Variants in PDGFC observed in about 807,000 individuals in gnomAD.
PDGFC encodes the protein platelet derived growth factor C, also known as platelet-derived growth factor C.
A neutral mutation model predicts 35.5 loss-of-function variants in PDGFC; 12 were observed. The ratio of observed to expected loss-of-function variants is 0.34; its 90% CI spans 0.22 to 0.55. The LOEUF (loss-of-function observed/expected upper bound fraction) is 0.55. PDGFC is among the 20% of genes least tolerant of loss of function. PDGFC has a pLI of 0.91. For synonymous variants in PDGFC, 159 were observed against 148.8 expected, an observed-to-expected ratio of 1.07 and a Z score of -0.50; for missense variants, 322 against 412.4, an observed-to-expected ratio of 0.78 and a Z score of 1.90.
chr4:156,934,450 C>G (rs933775031), intron 1 of PDGFC, among the ~76,000 whole-genome samples: 3 of 152,160 alleles, frequency 2.0e-5, no homozygotes, highest in Non-Finnish European at 4.4e-5. Context: ...CTCAGTGAGT[C>G]AGTGAGTGAG....
intron 1 of PDGFC, among the ~76,000 whole-genome samples, chr4:156,946,065 T>G (rs1731939884): frequency 6.6e-6 from 1 of 152,106 alleles, no homozygotes; most frequent in African/African-American, 2.4e-5. Context: ...GTTATATTTA[T>G]GAAAAACTGA....
At position 156,912,809 on chromosome 4, in the gene PDGFC, G is replaced by A. The variant is rs187968160; in HGVS notation, c.118+57977C>T. Among the ~76,000 whole-genome samples the A allele has an allele frequency of 2.2e-3, 337 of 151,434 alleles. 11 individuals are homozygous for A. Among genetic ancestry groups the A allele is most frequent in the Admixed American group, 0.022 (330 of 15,202 alleles). ...TAGTCAGATTCTGGATGTCCTTCACGGTGGGATGCAACACAGACTACCCAG... is the reference window on the plus strand; with the variant it reads ...TAGTCAGATTCTGGATGTCCTTCACAGTGGGATGCAACACAGACTACCCAG... On this transcript the variant is annotated intron_variant, in intron 1 of 5. Coordinates refer to ENST00000502773, the MANE Select transcript of PDGFC (RefSeq NM_016205.3).
rs1433008026 is a variant in PDGFC at position 156,825,578 on chromosome 4, TAATAATAATAATAATAAGAAGAAGAAG to T, written c.315-14588_315-14562del. Among the ~76,000 whole-genome samples the T allele has an allele frequency of 2.4e-4, 23 of 95,002 alleles. 1 individual carries two copies. The East Asian group carries it at 3.2e-3, about 13-fold the overall frequency. 62.3% of individuals were successfully genotyped at this position (95,002 alleles called of 152,430 possible). ...ATAATAATAATAATAATAATAATAA[TAATAATAATAATAATAAGAAGAAGAAG>T]AAGAAGAAGAAGAAGAAGAAGAAGA... is the stretch of plus-strand genomic sequence containing the variant. On this transcript the variant is annotated intron_variant, in intron 2 of 5. Coordinates refer to ENST00000502773, the MANE Select transcript of PDGFC (RefSeq NM_016205.3).
intron 1 of PDGFC, among the ~76,000 whole-genome samples, chr4:156,922,436 C>T (rs1385850402): frequency 6.6e-6 from 1 of 152,100 alleles, no homozygotes; most frequent in Non-Finnish European, 1.5e-5. Context: ...TTTTAATATA[C>T]TATAAATATT....
chr4:156,781,327 T>C (rs1730975628), intron 3 of PDGFC, among the ~76,000 whole-genome samples: 1 of 152,178 alleles, frequency 6.6e-6, no homozygotes, highest in Non-Finnish European at 1.5e-5. Context: ...CTAACTGGTC[T>C]CCCTGTTAAA....
chr4:156,811,569 G>A (rs933151219), intron 2 of PDGFC, among the ~76,000 whole-genome samples: 5 of 151,898 alleles, frequency 3.3e-5, no homozygotes, highest in South Asian at 2.1e-4. Flanking sequence ...CATCTTTCTC[G>A]TTTTGATAAA....
At chr4:156,925,032 C>A (rs1280491700) in intron 1 of PDGFC, among the ~76,000 whole-genome samples, 1 of 152,110 alleles carries the variant, frequency 6.6e-6, no homozygotes, top group Non-Finnish European at 1.5e-5. Flanking sequence ...GAACTTTATG[C>A]TGGAATCTAA....
chr4:156,894,458 T>A (rs1305251515), intron 1 of PDGFC, among the ~76,000 whole-genome samples: 1 of 152,180 alleles, frequency 6.6e-6, no homozygotes, highest in Non-Finnish European at 1.5e-5. Flanking sequence ...TTATGAATAA[T>A]CCATTACAGC....
At chr4:156,786,069 A>T (rs1468999300) in intron 3 of PDGFC, among the ~76,000 whole-genome samples, 1 of 152,130 alleles carries the variant, frequency 6.6e-6, no homozygotes, top group Non-Finnish European at 1.5e-5. Flanking sequence ...AATCAACATA[A>T]TATGATCATT....
intron 3 of PDGFC, among the ~76,000 whole-genome samples, chr4:156,774,910 G>A (rs1384045097): frequency 2.0e-5 from 3 of 151,950 alleles, no homozygotes; most frequent in Non-Finnish European, 4.4e-5. Context: ...AAAGATACAT[G>A]GAAAATGTGT....
At chr4:156,888,801 C>T (rs1034907777) in intron 1 of PDGFC, among the ~76,000 whole-genome samples, 1 of 152,056 alleles carries the variant, frequency 6.6e-6, no homozygotes, top group Admixed American at 6.6e-5. Flanking sequence ...TTCAGTAATT[C>T]TCTACACTAA....
At position 156,970,893 on chromosome 4, in the gene PDGFC, A is replaced by T; in HGVS notation, c.11T>A (p.Phe4Tyr). 1.9e-6 allele frequency: 3 copies of T among 1,612,624 alleles called. No homozygotes were observed. The highest frequency in any genetic ancestry group is 2.5e-6 in the Non-Finnish European group (3 of 1,178,742). Residue 4 changes from phenylalanine to tyrosine, a missense_variant, in exon 1 of 6, where the codon TTC becomes TAC. Physicochemically the swap from Phe to Tyr is conservative, Grantham distance 22 (BLOSUM62 3). This residue lies in a region of PDGFC where 120 missense variants were observed against 116.6 expected (regional missense o/e 1.03). Coordinates refer to ENST00000502773, the MANE Select transcript of PDGFC (RefSeq NM_016205.3). The stretch of plus-strand genomic sequence containing the variant: ...GGCAGATGTCAGCAGGAGAAGCCCG[A>T]AGAGGCTCATTTGGCTGACTGGGGT... MSLFGLLLLTSALA... is the reference protein window; with the variant it reads MSLYGLLLLTSALA...
intron 1 of PDGFC, among the ~76,000 whole-genome samples, chr4:156,963,021 T>A (rs1560893030): frequency 6.6e-6 from 1 of 152,116 alleles, no homozygotes; most frequent in Admixed American, 6.6e-5. Flanking sequence ...TAAATCCACA[T>A]CCTTGCACTT....
chr4:156,785,640 T>C (rs1194074810), intron 3 of PDGFC, among the ~76,000 whole-genome samples: 2 of 152,202 alleles, frequency 1.3e-5, no homozygotes, highest in African/African-American at 4.8e-5. Flanking sequence ...CTGAACAGCA[T>C]TGTCAGTACA....
At chr4:156,854,186 A>T (rs976592707) in intron 1 of PDGFC, among the ~76,000 whole-genome samples, 1 of 152,096 alleles carries the variant, frequency 6.6e-6, no homozygotes, top group African/African-American at 2.4e-5. Flanking sequence ...TTTTCCCATC[A>T]GATTTATTAA....
At chr4:156,816,745 T>A (rs955577835) in intron 2 of PDGFC, among the ~76,000 whole-genome samples, 7 of 152,206 alleles carry the variant, frequency 4.6e-5, no homozygotes, top group African/African-American at 1.7e-4. Flanking sequence ...CATTGCTTAT[T>A]ATATTTAAAA....
At chr4:156,940,579 C>T (rs1282469045) in intron 1 of PDGFC, among the ~76,000 whole-genome samples, 1 of 152,030 alleles carries the variant, frequency 6.6e-6, no homozygotes, top group Non-Finnish European at 1.5e-5. Flanking sequence ...AGATCTGTGC[C>T]TTTTTGTGCA....
rs547533013 is a variant in PDGFC at position 156,764,511 on chromosome 4, T to C, written c.922-1305A>G. On this transcript the variant is annotated intron_variant, in intron 5 of 5. Transcript: ENST00000502773. ...GCCCAGAGATGAATTATTAGAGAGA[T>C]AGATAATAATTTTATAGACTCAGAA... 1.2e-4 allele frequency among the ~76,000 whole-genome samples: 19 copies of C among 152,258 alleles called. No individual in the cohort carries two copies. The East Asian group carries it at 2.3e-3, about 19-fold the overall frequency.
chr4:156,920,237 A>G (rs1025715992), intron 1 of PDGFC, among the ~76,000 whole-genome samples: 1 of 152,224 alleles, frequency 6.6e-6, no homozygotes, highest in African/African-American at 2.4e-5. Context: ...AACACAAAAC[A>G]TACCAACACA....
Sources: gnomAD v4.1 joint callset for allele counts (sites outside exome capture counted in the v4.1 genomes callset) on GRCh38, gnomAD v4.1.1 for gene constraint, gnomAD v4.1.1 regional missense constraint, MANE v1.5 for transcripts, NCBI Gene and HGNC (gene_info 2026-07-23, HGNC 2026-07-21) for gene names.